SENP2: variants seen among roughly 807,000 people sequenced by gnomAD.
The protein encoded by SENP2 is sentrin-specific protease 2.
SENP2 carries 16 observed loss-of-function variants against 86.3 expected under a neutral mutation model. The observed-to-expected ratio is 0.19, with a 90% CI of 0.13 to 0.28. The LOEUF (loss-of-function observed/expected upper bound fraction) is 0.28, where lower values mean the gene tolerates loss of function less well. SENP2 is among the 10% of genes least tolerant of loss of function. The pLI is 1.00. For synonymous variants in SENP2, 222 were observed against 238.7 expected (o/e 0.93, Z 0.64); for missense variants, 552 against 703.0 (o/e 0.79, Z 2.43).
Position 185,607,532 on chromosome 3 carries a change from G to A in SENP2, c.618+1034G>A, listed in dbSNP as rs774708774. On this transcript the variant is annotated intron_variant, in intron 6 of 16. Transcript: ENST00000296257. ...TTTAGTAGAGATGAGTTTTCACCAC[G>A]TTGGCCAGTCTGGTCTCAAACTCCC... Among the ~76,000 whole-genome samples, 118 of 151,378 alleles carry A rather than the reference G, an allele frequency of 7.8e-4. 1 individual carries two copies. Among genetic ancestry groups the A allele is most frequent in the Non-Finnish European group, 5.2e-4 (35 of 67,866 alleles).
Position 185,630,530 on chromosome 3 carries a change from G to C in SENP2, c.*686G>C, listed in dbSNP as rs954146559. The C allele has an allele frequency of 2.6e-5, 4 of 152,988 alleles. No individual in the cohort carries two copies. Among genetic ancestry groups the C allele is most frequent in the African/African-American group, 9.7e-5 (4 of 41,448 alleles). The allele number at this position is 152,988 out of a possible 1,614,324, so 9.5% of individuals were successfully genotyped here. ...GACACTACAGCGTTGGCACAGTGCC[G>C]TGAACAGTGGAACTGTGCCCAAGGG... On this transcript the variant is annotated 3_prime_UTR_variant, in exon 17 of 17. Coordinates refer to ENST00000296257, the MANE Select transcript of SENP2 (RefSeq NM_021627.3).
chr3:185,615,541 A>AC (rs1031551344), intron 11 of SENP2, among the ~76,000 whole-genome samples: 7 of 152,122 alleles, frequency 4.6e-5, no homozygotes, highest in African/African-American at 1.7e-4. Flanking sequence ...ACCGGGTTTC[A>AC]CCATGTTGGC....
chr3:185,587,732 A>ATTTTTTTTTT (rs59565990), intron 1 of SENP2, among the ~76,000 whole-genome samples: 1,942 of 72,662 alleles, frequency 0.027, 242 homozygotes, highest in African/African-American at 0.03. Flanking sequence ...ATGCCCGGCT[A>ATTTTTTTTTT]TTTTTTTTTT....
rs1000364252 is a variant in SENP2, at chr3:185,611,713, G to C, written c.785G>C (p.Gly262Ala). The change falls in exon 8 of 17, where the codon GGA (glycine) becomes GCA (alanine). Residue 262 changes from glycine to alanine, a missense_variant. Transcript: ENST00000296257. ...TKGWGEEQNHGVKTTQFVPKQ... is the reference protein window; with the variant it reads ...TKGWGEEQNHAVKTTQFVPKQ... ...GGCTGGGGGGAAGAGCAAAATCACG[G>C]AGTCAAAACAACTCAGTTTGTTCCA... 6.2e-7 allele frequency: 1 copy of C among 1,613,438 alleles called. No homozygotes were observed. The highest frequency in any genetic ancestry group is 8.5e-7 in the Non-Finnish European group (1 of 1,179,818).
chr3:185,610,898 C>T (rs1722667940), intron 7 of SENP2, among the ~76,000 whole-genome samples: 1 of 152,146 alleles, frequency 6.6e-6, no homozygotes, highest in African/African-American at 2.4e-5. Context: ...GCGGAGCTTG[C>T]AGTGAGCAGA....
intron 3 of SENP2, 52 bp downstream of exon 3, chr3:185,598,597 T>C: frequency 6.5e-7 from 1 of 1,536,892 alleles, no homozygotes; most frequent in East Asian, 2.3e-5. Context: ...ACTTAATCAT[T>C]ATATTTTAGA....
At chr3:185,624,592 T>G (rs538424596) in intron 15 of SENP2, among the ~76,000 whole-genome samples, 6 of 152,122 alleles carry the variant, frequency 3.9e-5, no homozygotes, top group East Asian at 3.9e-4. Context: ...CTGAAAAGTT[T>G]GGGCCAGGCG....
In SENP2 at chr3:185,621,386, CTTTT is replaced by C. The variant is rs1220771289; in HGVS notation, c.1447-420_1447-417del. Among the ~76,000 whole-genome samples, 4 of 78,762 alleles carry C rather than the reference CTTTT, an allele frequency of 5.1e-5. No individual in the cohort carries two copies. In the East Asian group the frequency reaches 1.2e-3, roughly 24 times the overall value. The allele number at this position is 78,762 out of a possible 152,430, so 51.7% of individuals were successfully genotyped here. On this transcript the variant is annotated intron_variant, in intron 13 of 16. Transcript: ENST00000296257. ...AGTGGATATCGTTTTTCTTTTTTTT[CTTTT>C]TTTTTTTTTTTTTTTTTTTGAGACA...
At chr3:185,629,726 G>A (rs1417794474) in intron 16 of SENP2, 56 bp from the exon 17 acceptor site, 2 of 1,540,342 alleles carry the variant, frequency 1.3e-6, no homozygotes, top group Middle Eastern at 1.7e-4. Context: ...CCTGAAGGTT[G>A]TGCTGCCATG....
In SENP2 at chr3:185,600,821, C is replaced by T; in HGVS notation, c.415C>T (p.Arg139Ter). 6.2e-7 allele frequency: 1 copy of T among 1,612,052 alleles called. No individual in the cohort carries two copies. Among genetic ancestry groups the T allele is most frequent in the Non-Finnish European group, 8.5e-7 (1 of 1,178,206 alleles). Residue 139 changes from arginine to a stop codon, truncating the protein, a stop_gained, in exon 5 of 17, where the codon CGA becomes TGA. Transcript: ENST00000296257. LOFTEE classifies it high-confidence loss of function. ...DYPKIRVTVTRDQPRRVLPSF... is the reference protein window; with the variant it reads ...DYPKIRVTVT ...TCCAAAGATCAGAGTGACAGTTACC[C>T]GAGATCAGCCACGCAGAGTCCTGCC...
At chr3:185,601,562 G>A (rs1722346386) in intron 5 of SENP2, among the ~76,000 whole-genome samples, 1 of 151,102 alleles carries the variant, frequency 6.6e-6, no homozygotes, top group Non-Finnish European at 1.5e-5. Flanking sequence ...TTCCTTTGTA[G>A]AATTTTTATT....
intron 4 of SENP2, among the ~76,000 whole-genome samples, 198 bp downstream of exon 4, chr3:185,599,222 G>T (rs1722267072): frequency 6.6e-6 from 1 of 151,932 alleles, no homozygotes; most frequent in Non-Finnish European, 1.5e-5. Context: ...TGTATTATCA[G>T]TGTCCTCAAT....
chr3:185,602,084 T>G (rs915141923), intron 5 of SENP2, among the ~76,000 whole-genome samples: 6 of 152,220 alleles, frequency 3.9e-5, no homozygotes, highest in African/African-American at 1.4e-4. Flanking sequence ...TCTTTCCTTA[T>G]CTCTCTAAAG....
At chr3:185,623,938 C>G (rs1712016380) in intron 14 of SENP2, 60 bp from the exon 15 acceptor site, 3 of 977,946 alleles carry the variant, frequency 3.1e-6, no homozygotes. Flanking sequence ...CCTATGTAAC[C>G]ATAATGGTTA....
chr3:185,624,027 A>G lies in SENP2; in HGVS notation c.1556A>G (p.Lys519Arg), dbSNP rs751105998. 14 of 1,612,602 alleles carry G rather than the reference A, an allele frequency of 8.7e-6. No individual in the cohort carries two copies. In the Admixed American group the frequency reaches 2.2e-4, roughly 25 times the overall value. The change falls in exon 15 of 17, where the codon AAA (lysine) becomes AGA (arginine). Residue 519 changes from lysine to arginine, a missense_variant. Physicochemically the swap from Lys to Arg is conservative, Grantham distance 26. Transcript: ENST00000296257. ...TATTTACAGGATGAAAGTAAGACCA[A>G]AAGAAATAGTGATCTGAATCTTTTA... ...LQYLQDESKTKRNSDLNLLEW... is the reference protein window; with the variant it reads ...LQYLQDESKTRRNSDLNLLEW...
At chr3:185,600,063 C>T (rs1722295610) in intron 4 of SENP2, among the ~76,000 whole-genome samples, 1 of 152,196 alleles carries the variant, frequency 6.6e-6, no homozygotes, top group Non-Finnish European at 1.5e-5. Flanking sequence ...TCCCAAAGTG[C>T]TGGGATTACA....
chr3:185,617,699 G>T, intron 12 of SENP2, 88 bp downstream of exon 12: 2 of 1,118,940 alleles, frequency 1.8e-6, no homozygotes, highest in Non-Finnish European at 2.5e-6. Flanking sequence ...CAGTTATAAT[G>T]GGTTGGTAAT....
At chr3:185,625,258 C>A (rs979728102) in intron 15 of SENP2, among the ~76,000 whole-genome samples, 38 of 151,946 alleles carry the variant, frequency 2.5e-4, no homozygotes, top group Non-Finnish European at 4.4e-4. Flanking sequence ...ACCACAGGCG[C>A]CTGCCACCAC....
chr3:185,599,157 A>G (rs1385488587), intron 4 of SENP2, 133 bp downstream of exon 4: 5 of 637,832 alleles, frequency 7.8e-6, no homozygotes, highest in Non-Finnish European at 1.4e-5. Flanking sequence ...CGTTCTAAAA[A>G]GCAAATAGCT....
Sources: gnomAD v4.1 joint callset for allele counts (sites outside exome capture counted in the v4.1 genomes callset) on GRCh38, gnomAD v4.1.1 for gene constraint, MANE v1.5 for transcripts, NCBI Gene and HGNC (gene_info 2026-07-23, HGNC 2026-07-21) for gene names.